The following SIAH2 variants were observed in gnomAD, a reference collection of about 807,000 sequenced individuals.
SIAH2 encodes the protein E3 ubiquitin-protein ligase SIAH2.
SIAH2 carries 4 observed loss-of-function variants against 20.4 expected under a neutral mutation model. The ratio of observed to expected loss-of-function variants is 0.20; its 90% CI spans 0.10 to 0.45. SIAH2 has a LOEUF of 0.45. Among genes scored for constraint, SIAH2 ranks in the 20% least tolerant of loss-of-function variants. The pLI is 0.99. For synonymous variants in SIAH2, 171 were observed against 192.5 expected (o/e 0.89, Z 0.93); for missense variants, 259 against 440.3 (o/e 0.59, Z 3.69).
Position 150,755,281 on chromosome 3 carries a change from G to A in SIAH2, c.417+7152C>T, listed in dbSNP as rs182836145. ...AAAATTTTAAAGCAGTGCATAGGCC[G>A]GCGCATTAGCAAAAGAATATTTTTC... On this transcript the variant is annotated intron_variant, in intron 1 of 1. Transcript: ENST00000312960. Among the ~76,000 whole-genome samples, 78 of 150,836 alleles carry A rather than the reference G, an allele frequency of 5.2e-4. 1 individual carries two copies. Among genetic ancestry groups the A allele is most frequent in the African/African-American group, 6.6e-4 (27 of 41,138 alleles).
At position 150,763,007 on chromosome 3, in the gene SIAH2, G is replaced by C; in HGVS notation, c.-158C>G. On this transcript the variant is annotated 5_prime_UTR_variant, in exon 1 of 2. Coordinates refer to ENST00000312960, the MANE Select transcript of SIAH2 (RefSeq NM_005067.7). This position sits in a 1 kb window ranked among gnomAD's most constrained non-coding sequence, Gnocchi z 4.1. ...AGACGCTCGGCGCCCGGCAGGCGGAGGGCTGGACCGCGCTGATGCACTCCG... is the reference window on the plus strand; with the variant it reads ...AGACGCTCGGCGCCCGGCAGGCGGACGGCTGGACCGCGCTGATGCACTCCG... The C allele has an allele frequency of 1.2e-6, 1 of 820,362 alleles. No homozygotes were observed. The highest frequency in any genetic ancestry group is 1.5e-6 in the Non-Finnish European group (1 of 658,710). 50.8% of individuals were successfully genotyped at this position (820,362 alleles called of 1,614,324 possible). A position where few individuals can be genotyped will look rare whatever the true frequency, so the allele number is the denominator to read the frequency against.
chr3:150,747,964 CAAAAAAAAA>C (rs58478348), intron 1 of SIAH2, among the ~76,000 whole-genome samples: 5 of 56,700 alleles, frequency 8.8e-5, no homozygotes, highest in African/African-American at 3.0e-4. Context: ...AACGCCATCT[CAAAAAAAAA>C]AAAAAAAAAA....
chr3:150,744,807 A>G (rs1714173318), intron 1 of SIAH2, among the ~76,000 whole-genome samples: 1 of 152,152 alleles, frequency 6.6e-6, no homozygotes, highest in Non-Finnish European at 1.5e-5. Context: ...AAAGTCCCAA[A>G]CCACTCCTCA....
At chr3:150,749,143 G>A (rs937145753) in intron 1 of SIAH2, among the ~76,000 whole-genome samples, 2 of 152,130 alleles carry the variant, frequency 1.3e-5, no homozygotes, top group African/African-American at 4.8e-5. Context: ...TCTGGATAAA[G>A]GCTATAAGGG....
chr3:150,762,311 TTTTTTC>T lies in SIAH2; in HGVS notation c.417+116_417+121del, dbSNP rs1466292718. ...AGGGAGGGTGGACGAAGTGTAAACA[TTTTTTC>T]TTTTTTTTTTTTAAATGAGAGATGC... On this transcript the variant is annotated intron_variant, in intron 1 of 1. Transcript: ENST00000312960. This position sits in a 1 kb window ranked among gnomAD's most constrained non-coding sequence, Gnocchi z 6.6. The T allele has an allele frequency of 6.8e-7, 1 of 1,475,758 alleles. No individual in the cohort carries two copies. The highest frequency in any genetic ancestry group is 8.9e-7 in the Non-Finnish European group (1 of 1,122,380). 91.4% of individuals were successfully genotyped at this position (1,475,758 alleles called of 1,614,324 possible). A position where few individuals can be genotyped will look rare whatever the true frequency, so the allele number is the denominator to read the frequency against.
chr3:150,762,388 C>T lies in SIAH2; in HGVS notation c.417+45G>A. The stretch of plus-strand genomic sequence containing the variant: ...CGAGTGGGCTGGCGGATACCGGAGT[C>T]CCTGAGGTCACCGGCGGAGGTACGT... On this transcript the variant is annotated intron_variant, in intron 1 of 1. Coordinates refer to ENST00000312960, the MANE Select transcript of SIAH2 (RefSeq NM_005067.7). The surrounding 1 kb of genome is among the most constrained non-coding windows in gnomAD (Gnocchi z 6.6). 6.3e-7 allele frequency: 1 copy of T among 1,580,284 alleles called. No individual in the cohort carries two copies. The highest frequency in any genetic ancestry group is 8.6e-7 in the Non-Finnish European group (1 of 1,164,920).
At chr3:150,744,918 A>G (rs1160375763) in intron 1 of SIAH2, among the ~76,000 whole-genome samples, 1 of 152,094 alleles carries the variant, frequency 6.6e-6, no homozygotes, top group East Asian at 1.9e-4. Flanking sequence ...GAATTATTTG[A>G]TTTGCCTTAC....
intron 1 of SIAH2, among the ~76,000 whole-genome samples, chr3:150,760,034 G>A (rs1240910479): frequency 6.6e-6 from 1 of 152,212 alleles, no homozygotes; most frequent in African/African-American, 2.4e-5. Context: ...TCAAACTGTA[G>A]GCCAAAGGGC....
intron 1 of SIAH2, among the ~76,000 whole-genome samples, chr3:150,751,555 G>A (rs1162293994): frequency 6.6e-6 from 1 of 152,206 alleles, no homozygotes; most frequent in Non-Finnish European, 1.5e-5. Context: ...ACAGTGGTGA[G>A]AGTAAGGAAA....
At chr3:150,744,699 T>C (rs750225022) in intron 1 of SIAH2, among the ~76,000 whole-genome samples, 1 of 152,076 alleles carries the variant, frequency 6.6e-6, no homozygotes, top group African/African-American at 2.4e-5. Context: ...TCTCAATATC[T>C]GAAGATGTTT....
Position 150,762,336 on chromosome 3 carries a change from G to A in SIAH2, c.417+97C>T, listed in dbSNP as rs1714636795. 1.3e-6 allele frequency: 2 copies of A among 1,489,168 alleles called. No individual in the cohort carries two copies. The highest frequency in any genetic ancestry group is 2.9e-5 in the African/African-American group (2 of 69,386). 92.2% of individuals were successfully genotyped at this position (1,489,168 alleles called of 1,614,324 possible). A position where few individuals can be genotyped will look rare whatever the true frequency, so the allele number is the denominator to read the frequency against. ...TTTTTTCTTTTTTTTTTTTAAATGA[G>A]AGATGCCGCCCGCCTCTCCGGGCCT... On this transcript the variant is annotated intron_variant, in intron 1 of 1. Coordinates refer to ENST00000312960, the MANE Select transcript of SIAH2 (RefSeq NM_005067.7). This position sits in a 1 kb window ranked among gnomAD's most constrained non-coding sequence, Gnocchi z 6.6.
intron 1 of SIAH2, among the ~76,000 whole-genome samples, chr3:150,752,426 T>G (rs1205930050): frequency 6.6e-6 from 1 of 152,194 alleles, no homozygotes; most frequent in East Asian, 1.9e-4. Context: ...CTGGCCAACA[T>G]GGCGAAGTCA....
intron 1 of SIAH2, among the ~76,000 whole-genome samples, chr3:150,760,118 A>C (rs1714571854): frequency 6.6e-6 from 1 of 152,014 alleles, no homozygotes; most frequent in African/African-American, 2.4e-5. Context: ...ATCCTCTACA[A>C]CTAACACATC....
At chr3:150,758,415 T>C (rs1003730973) in intron 1 of SIAH2, among the ~76,000 whole-genome samples, 1 of 151,982 alleles carries the variant, frequency 6.6e-6, no homozygotes, top group African/African-American at 2.4e-5. Context: ...GATATGAATG[T>C]GTCAACCTTC....
chr3:150,751,242 G>A lies in SIAH2; in HGVS notation c.418-8544C>T, dbSNP rs1714352527. 2.0e-5 allele frequency among the ~76,000 whole-genome samples: 3 copies of A among 151,996 alleles called. No homozygotes were observed. In the South Asian group the frequency reaches 6.2e-4, roughly 32 times the overall value. On this transcript the variant is annotated intron_variant, in intron 1 of 1. Transcript: ENST00000312960. ...AGCTCAGGAGTTCGAGACCAGCCTG[G>A]GCAACATGGTGAAACCCCATCTCTA...
intron 1 of SIAH2, among the ~76,000 whole-genome samples, chr3:150,750,173 T>C (rs1314522622): frequency 1.3e-5 from 2 of 152,258 alleles, no homozygotes; most frequent in East Asian, 3.8e-4. Context: ...GTCAAACTTT[T>C]AAAAGGACTT....
At position 150,748,580 on chromosome 3, in the gene SIAH2, T is replaced by A. The variant is rs375060735; in HGVS notation, c.418-5882A>T. Among the ~76,000 whole-genome samples, 24 of 152,320 alleles carry A rather than the reference T, an allele frequency of 1.6e-4. No homozygotes were observed. In the South Asian group the frequency reaches 5.0e-3, roughly 32 times the overall value. On this transcript the variant is annotated intron_variant, in intron 1 of 1. Transcript: ENST00000312960. ...CATGGCTCTTTAGGGAACTGTGAGG[T>A]AACCACACTGCCTAGACCGGCTTAC...
In SIAH2 at chr3:150,741,286, A is replaced by G. The variant is rs1172942925; in HGVS notation, c.*855T>C. The G allele has an allele frequency of 1.3e-5, 2 of 152,616 alleles. No individual in the cohort carries two copies. The highest frequency in any genetic ancestry group is 4.8e-5 in the African/African-American group (2 of 41,456). 9.5% of individuals were successfully genotyped at this position (152,616 alleles called of 1,614,324 possible). On this transcript the variant is annotated 3_prime_UTR_variant, in exon 2 of 2. Coordinates refer to ENST00000312960, the MANE Select transcript of SIAH2 (RefSeq NM_005067.7). ...CAGCTACTGTTGAGGAGGGCTTCCG[A>G]GGGAAGCCACGTGTAAACGGGTCAT...
chr3:150,760,916 G>A (rs1321287998), intron 1 of SIAH2, among the ~76,000 whole-genome samples: 2 of 152,240 alleles, frequency 1.3e-5, no homozygotes, highest in Non-Finnish European at 2.9e-5. Flanking sequence ...AAACTGGGCT[G>A]AGTGAATTAG....
Sources: allele counts gnomAD v4.1 joint callset (sites outside exome capture counted in the v4.1 genomes callset), GRCh38; gene constraint gnomAD v4.1.1; non-coding constraint Gnocchi (gnomAD v3.1); transcripts MANE v1.5; gene names NCBI Gene and HGNC (gene_info 2026-07-23, HGNC 2026-07-21).